Variants in ITK observed in about 807,000 individuals in gnomAD.
ITK encodes the protein IL2 inducible T cell kinase.
A neutral mutation model predicts 87.6 loss-of-function variants in ITK; 45 were observed. The observed-to-expected ratio is 0.51, with a 90% confidence interval of 0.40 to 0.66. The LOEUF (loss-of-function observed/expected upper bound fraction) is 0.66. ITK is among the 30% of genes least tolerant of loss of function. The pLI is 0.00. For missense variants in ITK, 605 were observed against 766.3 expected, an observed-to-expected ratio of 0.79 and a Z score of 2.48; for synonymous variants, 303 against 273.6, an observed-to-expected ratio of 1.11 and a Z score of -1.06.
intron 15 of ITK, among the ~76,000 whole-genome samples, chr5:157,247,021 C>T (rs903423432): frequency 1.3e-5 from 2 of 152,158 alleles, no homozygotes; most frequent in Admixed American, 6.5e-5. Flanking sequence ...ACCAGACAAC[C>T]TCTTTGATTT....
chr5:157,213,038 C>T (rs974882705), intron 3 of ITK, among the ~76,000 whole-genome samples: 2 of 152,188 alleles, frequency 1.3e-5, no homozygotes, highest in Non-Finnish European at 2.9e-5. Flanking sequence ...TCCATTTTCA[C>T]ACTGCTATAA....
rs757249774 is a variant in ITK at position 157,252,679 on chromosome 5, T to G, written c.*1T>G. On this transcript the variant is annotated 3_prime_UTR_variant, in exon 17 of 17. Transcript: ENST00000422843. ...TGAAATTGCAGAATCAGGACTTTAG[T>G]AGAGACTGAGTACCAGGCCACGGGC... The G allele has an allele frequency of 1.9e-6, 3 of 1,608,638 alleles. No homozygotes were observed. Among genetic ancestry groups the G allele is most frequent in the Non-Finnish European group, 2.6e-6 (3 of 1,175,056 alleles).
intron 7 of ITK, 48 bp downstream of exon 7, chr5:157,228,409 C>T (rs986888815): frequency 3.3e-5 from 37 of 1,106,466 alleles, no homozygotes; most frequent in Non-Finnish European, 5.0e-5. Flanking sequence ...AAGGAATCCT[C>T]CTTAAGTTAG....
chr5:157,193,352 C>T (rs1029132672), intron 1 of ITK, among the ~76,000 whole-genome samples: 2 of 152,164 alleles, frequency 1.3e-5, no homozygotes, highest in Non-Finnish European at 2.9e-5. Context: ...AACTGTGTGG[C>T]TCATGAGAAA....
chr5:157,207,073 T>G (rs966540569), intron 1 of ITK, among the ~76,000 whole-genome samples: 4 of 152,160 alleles, frequency 2.6e-5, no homozygotes, highest in Admixed American at 2.6e-4. Context: ...ACCTTTAAAT[T>G]TTTTTAAAAA....
At chr5:157,206,682 T>G (rs1049244214) in intron 1 of ITK, among the ~76,000 whole-genome samples, 3 of 152,210 alleles carry the variant, frequency 2.0e-5, no homozygotes, top group Admixed American at 2.0e-4. Context: ...ATAGAGGTGT[T>G]CATAGTAGTC....
intron 1 of ITK, among the ~76,000 whole-genome samples, chr5:157,192,153 A>G (rs1475694798): frequency 6.6e-6 from 1 of 152,198 alleles, no homozygotes; most frequent in Admixed American, 6.5e-5. Flanking sequence ...TCTTTTATAC[A>G]TAGGTGAGAT....
Position 157,200,223 on chromosome 5 carries a change from C to T in ITK, c.139-8666C>T, listed in dbSNP as rs539738739. Among the ~76,000 whole-genome samples, 8 of 152,284 alleles carry T rather than the reference C, an allele frequency of 5.3e-5. No homozygotes were observed. In the South Asian group the frequency reaches 1.0e-3, roughly 20 times the overall value. ...TCAGCATCTTGAATTGTGTCTGACA[C>T]GTGTCAGATGCTTGGGATGAAACAT... On this transcript the variant is annotated intron_variant, in intron 1 of 16. Transcript: ENST00000422843.
chr5:157,249,078 A>C (rs901264393), intron 16 of ITK, 71 bp downstream of exon 16: 7 of 1,342,992 alleles, frequency 5.2e-6, no homozygotes, highest in Non-Finnish European at 7.5e-6. Context: ...CCCTAGAGAA[A>C]GGAACCCTCT....
At chr5:157,185,088 A>G (rs1187742320) in intron 1 of ITK, among the ~76,000 whole-genome samples, 2 of 152,070 alleles carry the variant, frequency 1.3e-5, no homozygotes, top group African/African-American at 2.4e-5. Context: ...AGGTGGGGAG[A>G]TGGTCCCCTT....
intron 9 of ITK, 144 bp downstream of exon 9, chr5:157,238,335 C>A: frequency 1.4e-6 from 1 of 718,320 alleles, no homozygotes; most frequent in Non-Finnish European, 2.5e-6. Context: ...TCCGAGAAAA[C>A]CAAAGCCATG....
At chr5:157,192,331 T>C (rs1293356383) in intron 1 of ITK, among the ~76,000 whole-genome samples, 3 of 152,226 alleles carry the variant, frequency 2.0e-5, no homozygotes, top group African/African-American at 7.2e-5. Flanking sequence ...CTCTTTGGGT[T>C]AGGTCATGAA....
In ITK at chr5:157,240,217, G is replaced by A. The variant is rs756744263; in HGVS notation, c.985+22G>A. ...GGAGGTAAGCTCTAGAGCAGGGGTG[G>A]ACCCGGGCCGCCCAGCAGGAGGTGA... On this transcript the variant is annotated intron_variant, in intron 10 of 16. Coordinates refer to ENST00000422843, the MANE Select transcript of ITK (RefSeq NM_005546.4). 1.2e-5 allele frequency: 20 copies of A among 1,613,136 alleles called. No individual in the cohort carries two copies. In the South Asian group the frequency reaches 2.1e-4, roughly 17 times the overall value.
intron 7 of ITK, 149 bp from the exon 8 acceptor site, chr5:157,232,191 C>A: frequency 3.1e-6 from 2 of 648,112 alleles, no homozygotes; most frequent in South Asian, 1.9e-5. Flanking sequence ...CGTGTGCAGA[C>A]TTGTTAAATA....
At chr5:157,201,962 G>A (rs1015591083) in intron 1 of ITK, among the ~76,000 whole-genome samples, 3 of 152,186 alleles carry the variant, frequency 2.0e-5, no homozygotes, top group African/African-American at 7.2e-5. Flanking sequence ...ATAGTACCCA[G>A]TAGGTAGATT....
Position 157,244,308 on chromosome 5 carries a change from G to C in ITK, c.1279G>C (p.Glu427Gln), listed in dbSNP as rs1366470006. 1.2e-6 allele frequency: 2 copies of C among 1,614,160 alleles called. No homozygotes were observed. The highest frequency in any genetic ancestry group is 1.7e-5 in the Admixed American group (1 of 60,030). ...GGTGCAGCTGTATGGGGTGTGCCTG[G>C]AGCAGGCCCCCATCTGCCTGGTGTT... Reference protein sequence around the residue: ...KLVQLYGVCLEQAPICLVFEF... With the variant: ...KLVQLYGVCLQQAPICLVFEF... The change falls in exon 13 of 17, where the codon GAG (glutamate) becomes CAG (glutamine). Residue 427 changes from glutamate to glutamine, a missense_variant. Glu to Gln is a conservative substitution (Grantham distance 29, BLOSUM62 2). Around this residue, in one of 3 missense-constraint regions of ITK, gnomAD observed 464 missense variants for 578.0 expected, o/e 0.80. Transcript: ENST00000422843.
intron 11 of ITK, among the ~76,000 whole-genome samples, chr5:157,243,317 G>T (rs1275675760): frequency 2.0e-5 from 3 of 152,188 alleles, no homozygotes; most frequent in African/African-American, 2.4e-5. Flanking sequence ...TTTACTTAGT[G>T]TGAAAAATGA....
intron 1 of ITK, among the ~76,000 whole-genome samples, chr5:157,183,532 T>TA (rs1753583839): frequency 6.6e-6 from 1 of 152,222 alleles, no homozygotes; most frequent in African/African-American, 2.4e-5. Flanking sequence ...AAGCATCTAG[T>TA]AAAAATTAAC....
At chr5:157,218,701 C>T (rs1467129766) in intron 5 of ITK, among the ~76,000 whole-genome samples, 1 of 152,054 alleles carries the variant, frequency 6.6e-6, no homozygotes. Flanking sequence ...AAATCAAATC[C>T]CAAGACAGGT....
Sources: allele counts gnomAD v4.1 joint callset (sites outside exome capture counted in the v4.1 genomes callset), GRCh38; gene constraint gnomAD v4.1.1; regional missense constraint gnomAD v4.1.1; transcripts MANE v1.5; gene names NCBI Gene and HGNC (gene_info 2026-07-23, HGNC 2026-07-21).